Variants in MGAT4A observed in about 807,000 individuals in gnomAD.
MGAT4A encodes alpha-1,3-mannosyl-glycoprotein 4-beta-N-acetylglucosaminyltransferase A.
Under a neutral mutation model 74.1 loss-of-function variants are expected in MGAT4A, and 33 were observed. That is an observed-to-expected ratio of 0.45 (90% CI 0.34 to 0.60). The LOEUF is 0.60. Ranked by LOEUF, MGAT4A falls within the 20% of genes least tolerant of loss-of-function variation. The probability of loss-of-function intolerance (pLI) is 0.02; values close to 1 mark genes in which losing one functional copy is unlikely to be tolerated. For missense variants in MGAT4A, 479 were observed against 628.3 expected (o/e 0.76, Z 2.54); for synonymous variants, 198 against 210.4 (o/e 0.94, Z 0.51).
At position 98,678,339 on chromosome 2, in the gene MGAT4A, G is replaced by T; in HGVS notation, c.227C>A (p.Thr76Lys). Reference sequence around the variant, plus strand: ...ATTCAACGCATCCTTACTTCCATTTGTTTCTGCTCCTACACGCTTGAACTG... The same window carrying T: ...ATTCAACGCATCCTTACTTCCATTTTTTTCTGCTCCTACACGCTTGAACTG... ...VQQFKRVGAE[T>K]NGSKDALNKF... Residue 76 changes from threonine (T) to lysine (K), a missense_variant, in exon 3 of 16, where the codon ACA becomes AAA. Physicochemically the swap from Thr to Lys is moderately conservative, Grantham distance 78. Around this residue, in one of 3 missense-constraint regions of MGAT4A, gnomAD observed 205 missense variants for 232.7 expected, o/e 0.88. Coordinates refer to ENST00000393487, the MANE Select transcript of MGAT4A (RefSeq NM_012214.3). 6.9e-7 allele frequency: 1 copy of T among 1,444,436 alleles called. No individual in the cohort carries two copies. Among genetic ancestry groups the T allele is most frequent in the African/African-American group, 1.4e-5 (1 of 70,410 alleles). The allele number at this position is 1,444,436 out of a possible 1,614,324, so 89.5% of individuals were successfully genotyped here. A position where few individuals can be genotyped will look rare whatever the true frequency, so the allele number is the denominator to read the frequency against.
intron 1 of MGAT4A, among the ~76,000 whole-genome samples, chr2:98,729,578 T>G (rs1372784294): frequency 1.3e-5 from 2 of 152,220 alleles, no homozygotes; most frequent in Non-Finnish European, 2.9e-5. Flanking sequence ...TAGTCATTTC[T>G]CCACCCTCCC....
chr2:98,629,491 C>T (rs1372855068), intron 14 of MGAT4A, among the ~76,000 whole-genome samples: 5 of 152,138 alleles, frequency 3.3e-5, no homozygotes, highest in Admixed American at 6.6e-5. Flanking sequence ...AAACTTGGAA[C>T]ATTTTAACCA....
At chr2:98,720,025 G>C (rs2104334224) in intron 2 of MGAT4A, among the ~76,000 whole-genome samples, 1 of 152,252 alleles carries the variant, frequency 6.6e-6, no homozygotes, top group Admixed American at 6.5e-5. Flanking sequence ...AATTGAAGAA[G>C]TAAAAGAAGG....
At chr2:98,625,954 G>A in intron 14 of MGAT4A, 119 bp from the exon 15 acceptor site, 2 of 558,732 alleles carry the variant, frequency 3.6e-6, no homozygotes, top group East Asian at 3.0e-5. Context: ...TTTTGACAGG[G>A]CACAGGTAAT....
intron 4 of MGAT4A, among the ~76,000 whole-genome samples, chr2:98,667,500 G>A (rs1701851939): frequency 6.6e-6 from 1 of 152,186 alleles, no homozygotes; most frequent in Non-Finnish European, 1.5e-5. Flanking sequence ...AGATGGAGAT[G>A]AGGAACTTGT....
chr2:98,625,528 C>A lies in MGAT4A; in HGVS notation c.*38G>T, dbSNP rs1235386324. 6.2e-7 allele frequency: 1 copy of A among 1,601,092 alleles called. No homozygotes were observed. ...TACATGCTTAACTATCTTTAATTAACAAATTCACAGGAAAAAATGTGTTGG... is the reference window on the plus strand; with the variant it reads ...TACATGCTTAACTATCTTTAATTAAAAAATTCACAGGAAAAAATGTGTTGG... On this transcript the variant is annotated 3_prime_UTR_variant, in exon 16 of 16. Coordinates refer to ENST00000393487, the MANE Select transcript of MGAT4A (RefSeq NM_012214.3).
intron 1 of MGAT4A, among the ~76,000 whole-genome samples, chr2:98,727,816 C>T (rs1306190920): frequency 6.6e-6 from 1 of 152,192 alleles, no homozygotes; most frequent in Admixed American, 6.5e-5. Context: ...ATGACAGCCA[C>T]TACAACTTAT....
chr2:98,728,738 C>A (rs1702800106), intron 1 of MGAT4A, among the ~76,000 whole-genome samples: 1 of 133,056 alleles, frequency 7.5e-6, no homozygotes. Flanking sequence ...GACAGAGACT[C>A]AGTTTGAAAA....
intron 13 of MGAT4A, 39 bp downstream of exon 13, chr2:98,636,478 T>C (rs764224327): frequency 9.0e-5 from 130 of 1,446,334 alleles, no homozygotes; most frequent in Non-Finnish European, 1.2e-4. Context: ...CTACTAGTAT[T>C]AGTTGTTAGG....
intron 2 of MGAT4A, among the ~76,000 whole-genome samples, chr2:98,707,269 A>G (rs1702452819): frequency 6.6e-6 from 1 of 152,198 alleles, no homozygotes; most frequent in South Asian, 2.1e-4. Context: ...TTTCTGTATC[A>G]TTTAGTATAC....
chr2:98,663,301 TTAAG>T (rs1701779374), intron 4 of MGAT4A, 122 bp from the exon 5 acceptor site: 2 of 1,530,032 alleles, frequency 1.3e-6, no homozygotes, highest in Admixed American at 2.2e-5. Context: ...TCAAAATATA[TTAAG>T]TTTCAGGAAG....
intron 2 of MGAT4A, among the ~76,000 whole-genome samples, chr2:98,678,832 A>C (rs1406262620): frequency 6.6e-6 from 1 of 152,198 alleles, no homozygotes; most frequent in Non-Finnish European, 1.5e-5. Flanking sequence ...AACTATAAAG[A>C]CCATATTCAC....
rs772198496 is a variant in MGAT4A, at chr2:98,625,549, G to A, written c.*17C>T. ...TTAACAAATTCACAGGAAAAAATGT[G>A]TTGGTTTCTCAGATGATCAGTTGGT... On this transcript the variant is annotated 3_prime_UTR_variant, in exon 16 of 16. Coordinates refer to ENST00000393487, the MANE Select transcript of MGAT4A (RefSeq NM_012214.3). The A allele has an allele frequency of 6.2e-7, 1 of 1,604,238 alleles. No homozygotes were observed. Among genetic ancestry groups the A allele is most frequent in the African/African-American group, 1.3e-5 (1 of 74,306 alleles).
intron 2 of MGAT4A, among the ~76,000 whole-genome samples, chr2:98,682,422 C>CAAAAAAA (rs1013377462): frequency 2.2e-4 from 8 of 36,438 alleles, no homozygotes; most frequent in East Asian, 9.3e-4. Context: ...AATTCCATCT[C>CAAAAAAA]AAAAAAAAAA....
chr2:98,678,262 A>G, intron 3 of MGAT4A, 42 bp downstream of exon 3: 2 of 426,570 alleles, frequency 4.7e-6, no homozygotes, highest in South Asian at 8.3e-5. Context: ...ATATATATAT[A>G]TATATAAAAT....
intron 2 of MGAT4A, among the ~76,000 whole-genome samples, chr2:98,722,299 G>A (rs1047730665): frequency 1.3e-5 from 2 of 152,166 alleles, no homozygotes; most frequent in African/African-American, 4.8e-5. Context: ...TCCATACAAG[G>A]GACTATTATT....
In MGAT4A at chr2:98,730,904, T is replaced by C. The variant is rs923807156; in HGVS notation, c.-236+144A>G. 296 of 143,462 alleles carry C rather than the reference T, an allele frequency of 2.1e-3. 2 individuals carry two copies. The highest frequency in any genetic ancestry group is 3.8e-3 in the Non-Finnish European group (245 of 65,188). The allele number at this position is 143,462 out of a possible 1,614,324, so 8.9% of individuals were successfully genotyped here. A position where few individuals can be genotyped will look rare whatever the true frequency, so the allele number is the denominator to read the frequency against. On this transcript the variant is annotated intron_variant, in intron 1 of 15. Transcript: ENST00000393487. ...CCGGCCGGGCCGCGGCGCAGTAGGCTCCTTTACCAGCAGGTGGATCTCCCG... is the reference window on the plus strand; with the variant it reads ...CCGGCCGGGCCGCGGCGCAGTAGGCCCCTTTACCAGCAGGTGGATCTCCCG...
intron 8 of MGAT4A, among the ~76,000 whole-genome samples, chr2:98,651,996 G>A (rs1472443671): frequency 1.3e-5 from 2 of 152,150 alleles, no homozygotes; most frequent in African/African-American, 4.8e-5. Context: ...AAAAGGGTCA[G>A]TCAAATCTCT....
chr2:98,657,155 A>C (rs1050812701), intron 6 of MGAT4A, among the ~76,000 whole-genome samples: 14 of 152,360 alleles, frequency 9.2e-5, no homozygotes, highest in African/African-American at 3.4e-4. Context: ...TAAAGTTTTT[A>C]ATTAGTCTGT....
Sources: allele counts gnomAD v4.1 joint callset (sites outside exome capture counted in the v4.1 genomes callset), GRCh38; gene constraint gnomAD v4.1.1; regional missense constraint gnomAD v4.1.1; transcripts MANE v1.5; gene names NCBI Gene and HGNC (gene_info 2026-07-23, HGNC 2026-07-21).